HS6ST3: variants seen among roughly 807,000 people sequenced by gnomAD.
HS6ST3 encodes the protein heparan-sulfate 6-O-sulfotransferase 3.
In HS6ST3, 12 loss-of-function variants were observed where a neutral mutation model predicts 36.7. That is an observed-to-expected ratio of 0.33 (90% CI 0.21 to 0.53). The LOEUF (loss-of-function observed/expected upper bound fraction) is 0.53, where lower values mean the gene tolerates loss of function less well. HS6ST3 is among the 20% of genes least tolerant of loss of function. The pLI is 0.95. For missense variants in HS6ST3, 584 were observed against 640.9 expected (o/e 0.91, Z 0.96); for synonymous variants, 240 against 257.5 (o/e 0.93, Z 0.65).
chr13:96,652,910 G>A (rs1370088096), intron 1 of HS6ST3, among the ~76,000 whole-genome samples: 3 of 152,026 alleles, frequency 2.0e-5, no homozygotes, highest in Non-Finnish European at 4.4e-5. Context: ...TGGAGAAAAT[G>A]TTTTATTTTG....
At chr13:96,427,819 G>T (rs755582301) in intron 1 of HS6ST3, among the ~76,000 whole-genome samples, 13 of 152,044 alleles carry the variant, frequency 8.6e-5, no homozygotes, top group Non-Finnish European at 1.6e-4. Flanking sequence ...CCTACAATCT[G>T]TGGCAATTCT....
chr13:96,646,370 A>G (rs2056588602), intron 1 of HS6ST3, among the ~76,000 whole-genome samples: 1 of 152,056 alleles, frequency 6.6e-6, no homozygotes, highest in Admixed American at 6.6e-5. Context: ...ACCTGAGTGA[A>G]CAGAGTCATC....
intron 1 of HS6ST3, among the ~76,000 whole-genome samples, chr13:96,188,517 A>C (rs1012531159): frequency 1.3e-5 from 2 of 152,166 alleles, no homozygotes; most frequent in Non-Finnish European, 2.9e-5. Context: ...ATCTTGATCA[A>C]CTTAATCTTT....
chr13:96,579,628 G>T (rs2056334480), intron 1 of HS6ST3, among the ~76,000 whole-genome samples: 1 of 151,382 alleles, frequency 6.6e-6, no homozygotes, highest in African/African-American at 2.4e-5. Flanking sequence ...AACAAAAAAA[G>T]AAGTCAACAA....
intron 1 of HS6ST3, among the ~76,000 whole-genome samples, chr13:96,391,673 A>G (rs1384588954): frequency 6.6e-6 from 1 of 152,162 alleles, no homozygotes; most frequent in Non-Finnish European, 1.5e-5. Flanking sequence ...CACGTATTAC[A>G]TGGATGGCGG....
At chr13:96,373,078 T>C (rs1304278) in intron 1 of HS6ST3, among the ~76,000 whole-genome samples, 127,878 of 152,122 alleles carry the variant, frequency 0.84, 54,141 homozygotes, top group South Asian at 0.91. Flanking sequence ...TGCTGCATCA[T>C]TTTAATCCCT....
intron 1 of HS6ST3, among the ~76,000 whole-genome samples, chr13:96,620,350 G>A (rs1056045569): frequency 2.0e-5 from 3 of 152,128 alleles, no homozygotes; most frequent in Non-Finnish European, 2.9e-5. Context: ...AAGAGGCTAC[G>A]GTAATCTAAA....
At position 96,090,746 on chromosome 13, in the gene HS6ST3, T is replaced by G; in HGVS notation, c.-117T>G. 1.4e-6 allele frequency: 1 copy of G among 732,534 alleles called. No homozygotes were observed. The highest frequency in any genetic ancestry group is 1.9e-6 in the Non-Finnish European group (1 of 537,778). 45.4% of individuals were successfully genotyped at this position (732,534 alleles called of 1,614,324 possible). ...GCCACACGCCTCGGCGTCAGGGGCA[T>G]GGAGGAACGGCGGGCTCCGAGCCGC... On this transcript the variant is annotated 5_prime_UTR_variant, in exon 1 of 2. An upstream start codon of the reference 5' UTR is lost. Coordinates refer to ENST00000376705, the MANE Select transcript of HS6ST3 (RefSeq NM_153456.4).
chr13:96,550,354 C>T (rs896931807), intron 1 of HS6ST3, among the ~76,000 whole-genome samples: 4 of 152,168 alleles, frequency 2.6e-5, no homozygotes, highest in African/African-American at 9.7e-5. Context: ...CTCCACCTTC[C>T]ACCATCAGTA....
At chr13:96,209,742 A>G (rs1311487549) in intron 1 of HS6ST3, among the ~76,000 whole-genome samples, 1 of 152,072 alleles carries the variant, frequency 6.6e-6, no homozygotes, top group African/African-American at 2.4e-5. Context: ...ACTTGCTATT[A>G]CTGCTGTTAG....
At chr13:96,400,883 C>A (rs1033991005) in intron 1 of HS6ST3, among the ~76,000 whole-genome samples, 1 of 151,798 alleles carries the variant, frequency 6.6e-6, no homozygotes, top group Non-Finnish European at 1.5e-5. Context: ...GAGTATTCTA[C>A]CTCCTGGTTT....
chr13:96,275,177 G>C (rs1312674609), intron 1 of HS6ST3, among the ~76,000 whole-genome samples: 2 of 152,160 alleles, frequency 1.3e-5, no homozygotes, highest in African/African-American at 4.8e-5. Flanking sequence ...ACAGCCTTCA[G>C]GGTCAACATG....
At chr13:96,229,788 C>G (rs564289072) in intron 1 of HS6ST3, among the ~76,000 whole-genome samples, 1 of 152,166 alleles carries the variant, frequency 6.6e-6, no homozygotes, top group South Asian at 2.1e-4. Context: ...GAGACCCCCC[C>G]CTTTAGGCTC....
chr13:96,227,537 T>G (rs1001670876), intron 1 of HS6ST3, among the ~76,000 whole-genome samples: 1 of 152,240 alleles, frequency 6.6e-6, no homozygotes, highest in Non-Finnish European at 1.5e-5. Flanking sequence ...ATTCACATGG[T>G]TGCAGGAGAC....
chr13:96,391,521 T>A (rs2055395507), intron 1 of HS6ST3, among the ~76,000 whole-genome samples: 1 of 152,160 alleles, frequency 6.6e-6, no homozygotes, highest in Non-Finnish European at 1.5e-5. Flanking sequence ...GATGTCCTTT[T>A]TGTGCTCTGT....
intron 1 of HS6ST3, among the ~76,000 whole-genome samples, chr13:96,608,746 T>G (rs915216395): frequency 2.6e-5 from 4 of 152,150 alleles, no homozygotes; most frequent in Non-Finnish European, 5.9e-5. Flanking sequence ...GATAAAGCTA[T>G]TTTTAAAACA....
intron 1 of HS6ST3, among the ~76,000 whole-genome samples, chr13:96,477,587 G>A (rs778936277): frequency 7.2e-5 from 11 of 152,160 alleles, no homozygotes; most frequent in African/African-American, 2.2e-4. Context: ...CTGTGTTACC[G>A]GCCGGGCACG....
intron 1 of HS6ST3, among the ~76,000 whole-genome samples, chr13:96,290,437 C>T (rs1440583950): frequency 1.3e-5 from 2 of 152,186 alleles, no homozygotes; most frequent in African/African-American, 2.4e-5. Flanking sequence ...CAGAAGACAC[C>T]CTGACAAGGT....
At chr13:96,503,523 G>A (rs1407126583) in intron 1 of HS6ST3, among the ~76,000 whole-genome samples, 3 of 152,174 alleles carry the variant, frequency 2.0e-5, no homozygotes, top group African/African-American at 7.2e-5. Flanking sequence ...GCTCTTGGAG[G>A]CAGTGGGCCT....
Sources: gnomAD v4.1 joint callset for allele counts (sites outside exome capture counted in the v4.1 genomes callset) on GRCh38, gnomAD v4.1.1 for gene constraint, MANE v1.5 for transcripts, NCBI Gene and HGNC (gene_info 2026-07-23, HGNC 2026-07-21) for gene names.